Variants in LAMB4 observed in about 807,000 individuals in gnomAD.
LAMB4 encodes laminin subunit beta-4.
Under a neutral mutation model 199.2 loss-of-function variants are expected in LAMB4, and 196 were observed. That is an observed-to-expected ratio of 0.98 (90% CI 0.88 to 1.11). The LOEUF (loss-of-function observed/expected upper bound fraction) is 1.11. LAMB4 is among the 50% of genes least tolerant of loss of function. The probability of loss-of-function intolerance (pLI) is 0.00; values close to 1 mark genes in which losing one functional copy is unlikely to be tolerated. For synonymous variants in LAMB4, 744 were observed against 770.6 expected (o/e 0.97, Z 0.57); for missense variants, 2,080 against 2,171.2 (o/e 0.96, Z 0.83).
chr7:108,024,237 C>T (rs2034758177), intron 33 of LAMB4, 59 bp from the exon 34 acceptor site: 1 of 1,019,628 alleles, frequency 9.8e-7, no homozygotes, highest in African/African-American at 1.7e-5. Context: ...CTGCTGGATA[C>T]CTACATTATA....
At chr7:108,064,794 T>G (rs2036278829) in intron 21 of LAMB4, among the ~76,000 whole-genome samples, 1 of 152,204 alleles carries the variant, frequency 6.6e-6, no homozygotes, top group Non-Finnish European at 1.5e-5. Context: ...TTATCATTAG[T>G]ATTGCCATAA....
intron 33 of LAMB4, 143 bp from the exon 34 acceptor site, chr7:108,024,321 A>G (rs539466515): frequency 1.5e-5 from 7 of 469,800 alleles, no homozygotes; most frequent in East Asian, 1.4e-4. Flanking sequence ...TAAATCATCT[A>G]TTTTCATCAG....
chr7:108,079,104 G>A (rs563737010), intron 15 of LAMB4, among the ~76,000 whole-genome samples: 4 of 152,292 alleles, frequency 2.6e-5, no homozygotes, highest in African/African-American at 9.6e-5. Flanking sequence ...CTTCTATTCT[G>A]TTTTAGATAT....
At chr7:108,024,739 A>ATCCG (rs2034775131) in intron 33 of LAMB4, among the ~76,000 whole-genome samples, 1 of 151,896 alleles carries the variant, frequency 6.6e-6, no homozygotes, top group African/African-American at 2.4e-5. Flanking sequence ...CCATCCATCC[A>ATCCG]TCCGTCCGTC....
intron 28 of LAMB4, among the ~76,000 whole-genome samples, chr7:108,044,844 T>C (rs911054632): frequency 6.7e-6 from 1 of 148,646 alleles, no homozygotes; most frequent in African/African-American, 2.5e-5. Flanking sequence ...TTCCAGCTAC[T>C]GGGGAGGCTG....
chr7:108,098,427 C>G lies in LAMB4; in HGVS notation c.1336G>C (p.Ala446Pro). The part of the protein sequence containing the change: ...QCKPNHYGLS[A>P]TDPLGCQPCD... ...CGCTGGCAGCCCAGGGGGTCGGTGG[C>G]GCTTAGTCCGTAGTGGTTGGGTTTG... The change falls in exon 11 of 34, where the codon GCC becomes CCC. Residue 446 changes from alanine (A) to proline (P), a missense_variant. By Grantham distance (27) the Ala-to-Pro change is conservative. Coordinates refer to ENST00000388781, the MANE Select transcript of LAMB4 (RefSeq NM_007356.3). 2.0e-6 allele frequency: 3 copies of G among 1,528,810 alleles called. No homozygotes were observed. Among genetic ancestry groups the G allele is most frequent in the African/African-American group, 1.8e-5 (1 of 56,646 alleles). 94.7% of individuals were successfully genotyped at this position (1,528,810 alleles called of 1,614,324 possible). A position where few individuals can be genotyped will look rare whatever the true frequency, so the allele number is the denominator to read the frequency against.
chr7:108,077,023 A>G lies in LAMB4; in HGVS notation c.2045T>C (p.Val682Ala). 1 of 1,613,868 alleles carries G rather than the reference A, an allele frequency of 6.2e-7. No individual in the cohort carries two copies. The highest frequency in any genetic ancestry group is 8.5e-7 in the Non-Finnish European group (1 of 1,179,758). ...AAAATAGACATCTATGGAATATTGTACATCTGGTTCTAAACAGATGGGTGT... is the reference window on the plus strand; with the variant it reads ...AAAATAGACATCTATGGAATATTGTGCATCTGGTTCTAAACAGATGGGTGT... ...LPTPICLEPD[V>A]QYSIDVYFSQ... Residue 682 changes from valine to alanine, a missense_variant, in exon 17 of 34, where the codon GTA (valine) becomes GCA (alanine). Coordinates refer to ENST00000388781, the MANE Select transcript of LAMB4 (RefSeq NM_007356.3).
intron 10 of LAMB4, among the ~76,000 whole-genome samples, chr7:108,099,722 A>G (rs1022913665): frequency 6.6e-6 from 1 of 152,256 alleles, no homozygotes; most frequent in African/African-American, 2.4e-5. Flanking sequence ...GCTTTGGATT[A>G]CTAAAAACAA....
chr7:108,117,781 G>C (rs1460098472), intron 2 of LAMB4, among the ~76,000 whole-genome samples: 3 of 152,206 alleles, frequency 2.0e-5, no homozygotes, highest in African/African-American at 7.2e-5. Flanking sequence ...GATTACCCAT[G>C]TCTTCCCCTT....
At chr7:108,035,147 A>G (rs1394130961) in intron 30 of LAMB4, among the ~76,000 whole-genome samples, 1 of 151,778 alleles carries the variant, frequency 6.6e-6, no homozygotes, top group South Asian at 2.1e-4. Context: ...CGCCACCACC[A>G]TTTCATTTCT....
intron 33 of LAMB4, chr7:108,026,413 G>C (rs1285467618): frequency 6.5e-6 from 1 of 153,906 alleles, no homozygotes; most frequent in African/African-American, 2.4e-5. Context: ...AAGCAGCCCA[G>C]GGTAACAGAC....
In LAMB4 at chr7:108,046,236, A is replaced by AT. The variant is rs559845089; in HGVS notation, c.4326+1671dup. On this transcript the variant is annotated intron_variant, in intron 28 of 33. Coordinates refer to ENST00000388781, the MANE Select transcript of LAMB4 (RefSeq NM_007356.3). Reference sequence around the variant, plus strand: ...GGCATGCACCACCACTCCTGGCTAAATTTTTTTTTTTTTTTTTTTGTATTT... The same window carrying AT: ...GGCATGCACCACCACTCCTGGCTAAATTTTTTTTTTTTTTTTTTTTGTATTT... Among the ~76,000 whole-genome samples the AT allele has an allele frequency of 4.6e-3, 612 of 132,824 alleles. 8 individuals are homozygous for AT. The highest frequency in any genetic ancestry group is 0.012 in the Middle Eastern group (3 of 256). The allele number at this position is 132,824 out of a possible 152,430, so 87.1% of individuals were successfully genotyped here. A position where few individuals can be genotyped will look rare whatever the true frequency, so the allele number is the denominator to read the frequency against.
chr7:108,086,680 G>T (rs2037191364), intron 14 of LAMB4, among the ~76,000 whole-genome samples: 1 of 152,154 alleles, frequency 6.6e-6, no homozygotes, highest in South Asian at 2.1e-4. Context: ...GGGATGAGAA[G>T]AAGTTTTCCC....
intron 21 of LAMB4, among the ~76,000 whole-genome samples, chr7:108,065,494 C>T (rs1203012220): frequency 1.3e-5 from 2 of 151,936 alleles, no homozygotes; most frequent in African/African-American, 2.4e-5. Flanking sequence ...AATAAATTAA[C>T]TTGATTTGGT....
chr7:108,042,996 G>C (rs1436126486), intron 29 of LAMB4, among the ~76,000 whole-genome samples: 1 of 139,452 alleles, frequency 7.2e-6, no homozygotes, highest in Non-Finnish European at 1.5e-5. Context: ...CAGAGAGTAA[G>C]GTTTCAGGTC....
chr7:108,058,092 G>A (rs1010017830), intron 23 of LAMB4, among the ~76,000 whole-genome samples, 164 bp from the exon 24 acceptor site: 1 of 152,198 alleles, frequency 6.6e-6, no homozygotes, highest in African/African-American at 2.4e-5. Context: ...ACAATACCAA[G>A]GATCAGGAGT....
At chr7:108,037,638 C>A in intron 29 of LAMB4, 43 bp from the exon 30 acceptor site, 2 of 1,415,620 alleles carry the variant, frequency 1.4e-6, no homozygotes, top group Non-Finnish European at 2.0e-6. Flanking sequence ...GTCTCCTTAA[C>A]AAACACTGTA....
intron 29 of LAMB4, among the ~76,000 whole-genome samples, chr7:108,043,115 G>A (rs943314519): frequency 6.6e-6 from 1 of 151,354 alleles, no homozygotes; most frequent in Non-Finnish European, 1.5e-5. Flanking sequence ...GCTACTTTTG[G>A]TCAGCCACAG....
At chr7:108,095,200 A>C in intron 12 of LAMB4, 28 bp downstream of exon 12, 1 of 1,523,480 alleles carries the variant, frequency 6.6e-7, no homozygotes, top group East Asian at 2.3e-5. Flanking sequence ...ATCACTATAG[A>C]AAAGGGAAAC....
Sources: allele counts gnomAD v4.1 joint callset (sites outside exome capture counted in the v4.1 genomes callset), GRCh38; gene constraint gnomAD v4.1.1; transcripts MANE v1.5; gene names NCBI Gene and HGNC (gene_info 2026-07-23, HGNC 2026-07-21).